Variants in SALL4 observed in about 807,000 individuals in gnomAD.
The protein encoded by SALL4 is sal-like protein 4.
In SALL4, 4 loss-of-function variants were observed where a neutral mutation model predicts 60.8. The ratio of observed to expected loss-of-function variants is 0.07; its 90% CI spans 0.03 to 0.15. The LOEUF is 0.15. Among genes scored for constraint, SALL4 ranks in the 10% least tolerant of loss-of-function variants. SALL4 has a pLI of 1.00. For synonymous variants in SALL4, 580 were observed against 574.9 expected (o/e 1.01, Z -0.13); for missense variants, 1,178 against 1,394.7 (o/e 0.84, Z 2.48).
intron 3 of SALL4, among the ~76,000 whole-genome samples, chr20:51,786,704 A>G (rs2077995217): frequency 6.6e-6 from 1 of 152,228 alleles, no homozygotes; most frequent in Admixed American, 6.5e-5. Flanking sequence ...AGTGCTACCA[A>G]TGGGGAAAAC....
At chr20:51,798,164 AT>A (rs2078089621) in intron 1 of SALL4, among the ~76,000 whole-genome samples, 1 of 152,264 alleles carries the variant, frequency 6.6e-6, no homozygotes, top group Admixed American at 6.5e-5. Flanking sequence ...TAGAAGGCAG[AT>A]AAGACTTTAA....
At chr20:51,789,327 G>A (rs1031832944) in intron 2 of SALL4, among the ~76,000 whole-genome samples, 186 bp from the exon 3 acceptor site, 3 of 151,630 alleles carry the variant, frequency 2.0e-5, no homozygotes, top group Non-Finnish European at 4.4e-5. Context: ...TCAAATGCTT[G>A]GGAAAAGGTA....
Position 51,791,248 on chromosome 20 carries a change from C to G in SALL4, c.1235G>C (p.Cys412Ser), listed in dbSNP as rs746862826. ...GGTGAAGCGATGACCACAGACAGAGCACACGAAGGGTCTCTCTCCAGTGTG... is the reference window on the plus strand; with the variant it reads ...GGTGAAGCGATGACCACAGACAGAGGACACGAAGGGTCTCTCTCCAGTGTG... ...RSHTGERPFVCSVCGHRFTTK... is the reference protein window; with the variant it reads ...RSHTGERPFVSSVCGHRFTTK... Residue 412 changes from cysteine to serine, a missense_variant, in exon 2 of 4, where the codon TGC (cysteine) becomes TCC (serine). Physicochemically the swap from Cys to Ser is moderately radical, Grantham distance 112. Around this residue, in one of 5 missense-constraint regions of SALL4, gnomAD observed 853 missense variants for 1,036.8 expected, o/e 0.82. Coordinates refer to ENST00000217086, the MANE Select transcript of SALL4 (RefSeq NM_020436.5). The surrounding 1 kb of genome is among the most constrained non-coding windows in gnomAD (Gnocchi z 4.6). The G allele has an allele frequency of 1.2e-6, 2 of 1,614,082 alleles. No individual in the cohort carries two copies. The highest frequency in any genetic ancestry group is 1.7e-5 in the Admixed American group (1 of 60,016).
At chr20:51,784,799 G>C in intron 3 of SALL4, 115 bp from the exon 4 acceptor site, 1 of 1,203,974 alleles carries the variant, frequency 8.3e-7, no homozygotes, top group East Asian at 2.4e-5. Context: ...ACATATAGAT[G>C]ATCCTTGACT....
Position 51,792,243 on chromosome 20 carries a change from C to G in SALL4, c.240G>C (p.Glu80Asp). ...CCAGGAACTCAGAGATGCTGAAGAA[C>G]TCCGCACAGCATTTCTCACAGACGT... Reference protein sequence around the residue: ...ETHVCEKCCAEFFSISEFLEH... With the variant: ...ETHVCEKCCADFFSISEFLEH... The change falls in exon 2 of 4, where the codon GAG becomes GAC. Residue 80 changes from glutamate (E) to aspartate (D), a missense_variant. This residue lies in a region of SALL4 where 108 missense variants were observed against 95.7 expected (regional missense o/e 1.13). Transcript: ENST00000217086. 1.2e-6 allele frequency: 2 copies of G among 1,614,006 alleles called. No homozygotes were observed. The highest frequency in any genetic ancestry group is 1.7e-6 in the Non-Finnish European group (2 of 1,180,040).
At chr20:51,792,384 GC>G in intron 1 of SALL4, 32 bp from the exon 2 acceptor site, 1 of 1,599,304 alleles carries the variant, frequency 6.3e-7, no homozygotes, top group Non-Finnish European at 8.5e-7. Context: ...TAAGGACTCT[GC>G]CCAAGTAAAA....
intron 1 of SALL4, among the ~76,000 whole-genome samples, chr20:51,799,829 G>T (rs915964809): frequency 2.0e-5 from 3 of 152,098 alleles, no homozygotes; most frequent in African/African-American, 7.2e-5. Context: ...CAGATTTTTT[G>T]ATCTGCTAAT....
chr20:51,792,688 CAAAA>C (rs57662451), intron 1 of SALL4: 208 of 179,538 alleles, frequency 1.2e-3, no homozygotes, highest in Middle Eastern at 3.0e-3. Flanking sequence ...GACTCCATCT[CAAAA>C]AAAAAAAAAA....
chr20:51,792,401 G>A lies in SALL4; in HGVS notation c.131-49C>T, dbSNP rs760053086. Reference sequence around the variant, plus strand: ...AGGACTCTGCCCAAGTAAAAGATGTGGGGGGAGCCGGGCACCGTCGCTCAC... The same window carrying A: ...AGGACTCTGCCCAAGTAAAAGATGTAGGGGGAGCCGGGCACCGTCGCTCAC... On this transcript the variant is annotated intron_variant, in intron 1 of 3. Transcript: ENST00000217086. The A allele has an allele frequency of 5.0e-6, 8 of 1,593,048 alleles. No individual in the cohort carries two copies. In the African/African-American group the frequency reaches 9.4e-5, roughly 19 times the overall value.
At chr20:51,785,704 C>T (rs559693793) in intron 3 of SALL4, among the ~76,000 whole-genome samples, 16 of 150,258 alleles carry the variant, frequency 1.1e-4, no homozygotes, top group Non-Finnish European at 1.8e-4. Context: ...AGTGCAGTGG[C>T]GCAATCTCGG....
chr20:51,786,233 C>CCCG (rs1229367937), intron 3 of SALL4, among the ~76,000 whole-genome samples: 4 of 149,282 alleles, frequency 2.7e-5, no homozygotes, highest in Non-Finnish European at 6.0e-5. Context: ...ACTACAGGCG[C>CCCG]CCACCGCCAC....
chr20:51,796,892 C>T (rs2078082922), intron 1 of SALL4, among the ~76,000 whole-genome samples: 1 of 152,074 alleles, frequency 6.6e-6, no homozygotes, highest in African/African-American at 2.4e-5. Context: ...ACATTTATCT[C>T]CTTTGGAAGG....
Position 51,783,171 on chromosome 20 carries a change from G to A in SALL4, c.*1094C>T, listed in dbSNP as rs1054052444. The A allele has an allele frequency of 6.6e-6, 1 of 152,122 alleles. No homozygotes were observed. The highest frequency in any genetic ancestry group is 2.1e-4 in the South Asian group (1 of 4,826). 9.4% of individuals were successfully genotyped at this position (152,122 alleles called of 1,614,324 possible). A position where few individuals can be genotyped will look rare whatever the true frequency, so the allele number is the denominator to read the frequency against. ...AATAGAGTAGGCACTGGCAAACTAA[G>A]TCACCTGAGATTCCCCGCTCAGGTG... On this transcript the variant is annotated 3_prime_UTR_variant, in exon 4 of 4. Transcript: ENST00000217086.
At chr20:51,785,017 T>C (rs571748865) in intron 3 of SALL4, among the ~76,000 whole-genome samples, 2 of 152,242 alleles carry the variant, frequency 1.3e-5, no homozygotes, top group East Asian at 1.9e-4. Context: ...AAACAGCTCA[T>C]GTAGGCCAGG....
In SALL4 at chr20:51,784,271, G is replaced by A. The variant is rs2077973876; in HGVS notation, c.3156C>T (p.Val1052=). ...CTTCCACGCAAGTTCTCCCTTAGCTGACCGCAATCTTGTTTTCTTCCAGGA... is the reference window on the plus strand; with the variant it reads ...CTTCCACGCAAGTTCTCCCTTAGCTAACCGCAATCTTGTTTTCTTCCAGGA... ...PHFLEENKIA[V]S Residue 1052 remains valine (V), a synonymous_variant, in exon 4 of 4, where the codon GTC becomes GTT. Coordinates refer to ENST00000217086, the MANE Select transcript of SALL4 (RefSeq NM_020436.5). 10 of 1,613,760 alleles carry A rather than the reference G, an allele frequency of 6.2e-6. No homozygotes were observed. The highest frequency in any genetic ancestry group is 1.7e-4 in the Middle Eastern group (1 of 5,766).
chr20:51,798,926 G>A (rs1387789580), intron 1 of SALL4, among the ~76,000 whole-genome samples: 2 of 151,996 alleles, frequency 1.3e-5, no homozygotes, highest in Non-Finnish European at 2.9e-5. Flanking sequence ...AGACACCATG[G>A]GCCATCAAGC....
In SALL4 at chr20:51,784,600, C is replaced by G. The variant is rs1368705511; in HGVS notation, c.2827G>C (p.Gly943Arg). Residue 943 changes from glycine to arginine, a missense_variant, in exon 4 of 4, where the codon GGT becomes CGT. This residue lies in a region of SALL4 where 174 missense variants were observed against 169.6 expected (regional missense o/e 1.03). Transcript: ENST00000217086. ...LAIENTMALLGTDGKRVSEIF... is the reference protein window; with the variant it reads ...LAIENTMALLRTDGKRVSEIF... ...TCTGAGACTCTTTTTCCGTCCGTACCTAACAGAGCCATGGTGTTCTCGATG... is the reference window on the plus strand; with the variant it reads ...TCTGAGACTCTTTTTCCGTCCGTACGTAACAGAGCCATGGTGTTCTCGATG... The G allele has an allele frequency of 6.2e-7, 1 of 1,614,172 alleles. No homozygotes were observed. The highest frequency in any genetic ancestry group is 8.5e-7 in the Non-Finnish European group (1 of 1,180,030).
At position 51,801,756 on chromosome 20, in the gene SALL4, G is replaced by A. The variant is rs2078111178; in HGVS notation, c.130+523C>T. Among the ~76,000 whole-genome samples the A allele has an allele frequency of 6.6e-6, 1 of 152,116 alleles. No individual in the cohort carries two copies. The highest frequency in any genetic ancestry group is 1.5e-5 in the Non-Finnish European group (1 of 67,996). ...CGCGCCCCCTCCCCCCACTTGGCCC[G>A]GGAGGGGCGCGTGCAACAGATCGTC... On this transcript the variant is annotated intron_variant, in intron 1 of 3. Coordinates refer to ENST00000217086, the MANE Select transcript of SALL4 (RefSeq NM_020436.5). This position sits in a 1 kb window ranked among gnomAD's most constrained non-coding sequence, Gnocchi z 5.2.
Position 51,791,820 on chromosome 20 carries a change from C to G in SALL4, c.663G>C (p.Leu221=), listed in dbSNP as rs1601171260. The G allele has an allele frequency of 6.2e-7, 1 of 1,614,140 alleles. No individual in the cohort carries two copies. The highest frequency in any genetic ancestry group is 8.5e-7 in the Non-Finnish European group (1 of 1,180,048). ...GGATCTGCTGTAGCTGCTGCTGCTG[C>G]AGACACAAGATCTGCTCGAGGACCC... The part of the protein sequence containing the change: ...IPWVLEQILC[L]QQQQLQQIQL... The change falls in exon 2 of 4, where the codon CTG becomes CTC. Residue 221 remains leucine (L), a synonymous_variant. Transcript: ENST00000217086. This position sits in a 1 kb window ranked among gnomAD's most constrained non-coding sequence, Gnocchi z 4.6.
Sources: allele counts gnomAD v4.1 joint callset (sites outside exome capture counted in the v4.1 genomes callset), GRCh38; gene constraint gnomAD v4.1.1; regional missense constraint gnomAD v4.1.1; non-coding constraint Gnocchi (gnomAD v3.1); transcripts MANE v1.5; gene names NCBI Gene and HGNC (gene_info 2026-07-23, HGNC 2026-07-21).